KCNH5: variants seen among roughly 807,000 people sequenced by gnomAD.
KCNH5 encodes the protein voltage-gated delayed rectifier potassium channel KCNH5.
KCNH5 carries 46 observed loss-of-function variants against 96.1 expected under a neutral mutation model. The observed-to-expected ratio is 0.48, with a 90% CI of 0.38 to 0.61. KCNH5 has a LOEUF of 0.61. KCNH5 is among the 20% of genes least tolerant of loss of function. KCNH5 has a pLI of 0.00. For synonymous variants in KCNH5, 439 were observed against 449.8 expected (o/e 0.98, Z 0.30); for missense variants, 907 against 1,225.8 (o/e 0.74, Z 3.88).
At chr14:63,031,975 C>T (rs1289516706) in intron 1 of KCNH5, among the ~76,000 whole-genome samples, 1 of 151,286 alleles carries the variant, frequency 6.6e-6, no homozygotes, top group Non-Finnish European at 1.5e-5. Flanking sequence ...AAATTACCCC[C>T]AGAGAGAAAT....
intron 10 of KCNH5, among the ~76,000 whole-genome samples, chr14:62,733,155 C>T (rs1373594613): frequency 6.6e-6 from 1 of 152,084 alleles, no homozygotes. Flanking sequence ...TGCTGGGTCC[C>T]AGTCTGATAC....
chr14:62,707,409 C>T lies in KCNH5; in HGVS notation c.*99G>A, dbSNP rs187642204. 1.1e-5 allele frequency: 6 copies of T among 570,624 alleles called. No individual in the cohort carries two copies. The East Asian group carries it at 2.1e-4, about 20-fold the overall frequency. 35.3% of individuals were successfully genotyped at this position (570,624 alleles called of 1,614,324 possible). A position where few individuals can be genotyped will look rare whatever the true frequency, so the allele number is the denominator to read the frequency against. ...CATATCAAAATCCATGTGTGGTCAT[C>T]ATCTTGAAAGCAAGTGAAAATATAT... On this transcript the variant is annotated 3_prime_UTR_variant, in exon 11 of 11. Coordinates refer to ENST00000322893, the MANE Select transcript of KCNH5 (RefSeq NM_139318.5).
At chr14:63,012,214 A>T (rs549283899) in intron 2 of KCNH5, among the ~76,000 whole-genome samples, 37 of 152,322 alleles carry the variant, frequency 2.4e-4, no homozygotes, top group African/African-American at 8.2e-4. Flanking sequence ...ACCTCTTTTA[A>T]ACATGCGATA....
rs761541451 is a variant in KCNH5 at position 62,779,864 on chromosome 14, G to A, written c.1883C>T (p.Ala628Val). 19 of 1,613,548 alleles carry A rather than the reference G, an allele frequency of 1.2e-5. No individual in the cohort carries two copies. The highest frequency in any genetic ancestry group is 2.2e-5 in the South Asian group (2 of 91,024). ...ACAGTACGTCAGTGCCCGGACGTTCGCACATGCATGGGCAAGGGTGGTTTC... is the reference window on the plus strand; with the variant it reads ...ACAGTACGTCAGTGCCCGGACGTTCACACATGCATGGGCAAGGGTGGTTTC... Reference protein sequence around the residue: ...WKETTLAHACANVRALTYCDL... With the variant: ...WKETTLAHACVNVRALTYCDL... The change falls in exon 10 of 11, where the codon GCG (alanine) becomes GTG (valine). Residue 628 changes from alanine (A) to valine (V), a missense_variant. Transcript: ENST00000322893.
At chr14:62,719,906 T>C (rs2139912036) in intron 10 of KCNH5, among the ~76,000 whole-genome samples, 1 of 152,342 alleles carries the variant, frequency 6.6e-6, no homozygotes, top group South Asian at 2.1e-4. Context: ...GATATTTACA[T>C]TACGGATATG....
At chr14:62,847,197 A>T (rs1293063857) in intron 8 of KCNH5, among the ~76,000 whole-genome samples, 3 of 149,582 alleles carry the variant, frequency 2.0e-5, no homozygotes, top group African/African-American at 7.3e-5. Flanking sequence ...TAAATAGCTG[A>T]ATGCCTAACA....
chr14:62,819,111 T>G (rs947499629), intron 8 of KCNH5, among the ~76,000 whole-genome samples: 1 of 151,888 alleles, frequency 6.6e-6, no homozygotes, highest in East Asian at 1.9e-4. Context: ...GGACTACAGG[T>G]GCCCGCCACC....
chr14:62,925,903 G>T (rs998334446), intron 7 of KCNH5, among the ~76,000 whole-genome samples: 2 of 152,042 alleles, frequency 1.3e-5, no homozygotes, highest in Non-Finnish European at 2.9e-5. Context: ...GGAAAAATCA[G>T]ATAAAAGTCC....
chr14:62,734,565 T>C (rs1885118058), intron 10 of KCNH5, among the ~76,000 whole-genome samples: 1 of 152,144 alleles, frequency 6.6e-6, no homozygotes, highest in African/African-American at 2.4e-5. Context: ...AAGCCCCTCC[T>C]CTTGCCCCTA....
intron 6 of KCNH5, among the ~76,000 whole-genome samples, chr14:62,974,282 C>T (rs1890461553): frequency 1.3e-5 from 2 of 152,132 alleles, no homozygotes; most frequent in Admixed American, 1.3e-4. Flanking sequence ...CCTGAATCCT[C>T]CTATGCTACC....
chr14:62,948,859 G>A (rs1296388323), intron 7 of KCNH5, among the ~76,000 whole-genome samples: 8 of 145,034 alleles, frequency 5.5e-5, no homozygotes, highest in Admixed American at 2.1e-4. Context: ...TTCAATATAC[G>A]CAAATCAATA....
In KCNH5 at chr14:62,713,182, T is replaced by C. The variant is rs548663963; in HGVS notation, c.2020-4727A>G. Among the ~76,000 whole-genome samples the C allele has an allele frequency of 1.3e-4, 20 of 152,354 alleles. No homozygotes were observed. In the East Asian group the frequency reaches 3.5e-3, roughly 26 times the overall value. On this transcript the variant is annotated intron_variant, in intron 10 of 10. Transcript: ENST00000322893. ...TCATACATTCAGCAAATGTATGACG[T>C]GGTGCGTCTAGGAATGGAAAATGTT... is the stretch of plus-strand genomic sequence containing the variant.
At chr14:63,044,695 C>T (rs142612805) in intron 1 of KCNH5, among the ~76,000 whole-genome samples, 2,167 of 152,324 alleles carry the variant, frequency 0.014, 53 homozygotes, top group African/African-American at 0.049. Flanking sequence ...CTTTCGCAGC[C>T]ATTCCCAACT....
intron 2 of KCNH5, among the ~76,000 whole-genome samples, chr14:63,015,252 C>T (rs1900265395): frequency 6.6e-6 from 1 of 152,054 alleles, no homozygotes; most frequent in Non-Finnish European, 1.5e-5. Context: ...TTGACCCACC[C>T]ACTTCAGAAT....
chr14:62,790,469 G>C (rs755081752), intron 9 of KCNH5, among the ~76,000 whole-genome samples: 11 of 151,628 alleles, frequency 7.3e-5, no homozygotes, highest in Non-Finnish European at 1.5e-4. Context: ...CAATTGCTTT[G>C]ACTATGTATA....
intron 10 of KCNH5, among the ~76,000 whole-genome samples, chr14:62,734,316 C>T: frequency 6.6e-6 from 1 of 152,148 alleles, no homozygotes; most frequent in Non-Finnish European, 1.5e-5. Context: ...TTTCAAGGCA[C>T]ACGGGATGCT....
intron 2 of KCNH5, among the ~76,000 whole-genome samples, chr14:63,006,879 A>G (rs1424774110): frequency 6.6e-6 from 1 of 152,222 alleles, no homozygotes; most frequent in Non-Finnish European, 1.5e-5. Context: ...GCTGTTACTC[A>G]GTTCACGCAC....
intron 4 of KCNH5, among the ~76,000 whole-genome samples, chr14:62,997,402 AGAGTTTTTATCAT>A (rs1890925781): frequency 6.6e-6 from 1 of 152,174 alleles, no homozygotes; most frequent in African/African-American, 2.4e-5. Context: ...AACTTTACTG[AGAGTTTTTATCAT>A]GAACAAGTGC....
intron 5 of KCNH5, among the ~76,000 whole-genome samples, chr14:62,982,492 C>T (rs1388328111): frequency 1.3e-5 from 2 of 152,138 alleles, no homozygotes; most frequent in African/African-American, 2.4e-5. Flanking sequence ...GTCTCTAGGA[C>T]TAATGGGACC....
Sources: allele counts gnomAD v4.1 joint callset (sites outside exome capture counted in the v4.1 genomes callset), GRCh38; gene constraint gnomAD v4.1.1; transcripts MANE v1.5; gene names NCBI Gene and HGNC (gene_info 2026-07-23, HGNC 2026-07-21).